The following SH3GL2 variants were observed in gnomAD, a reference collection of about 807,000 sequenced individuals.
SH3GL2 encodes SH3 domain containing GRB2 like 2, endophilin A1, also known as endophilin-A1.
A neutral mutation model predicts 46.0 loss-of-function variants in SH3GL2; 24 were observed. That is an observed-to-expected ratio of 0.52 (90% CI 0.38 to 0.73). The LOEUF (loss-of-function observed/expected upper bound fraction) is 0.73, where lower values mean the gene tolerates loss of function less well. Among genes scored for constraint, SH3GL2 ranks in the 30% least tolerant of loss-of-function variants. The pLI is 0.00. For synonymous variants in SH3GL2, 196 were observed against 147.1 expected (o/e 1.33, Z -2.40); for missense variants, 413 against 424.2 (o/e 0.97, Z 0.23).
At chr9:17,728,925 G>A (rs1822096580) in intron 1 of SH3GL2, among the ~76,000 whole-genome samples, 1 of 152,056 alleles carries the variant, frequency 6.6e-6, no homozygotes, top group South Asian at 2.1e-4. Context: ...GAATACTGTG[G>A]CAATAAATAT....
chr9:17,777,738 A>G (rs1823682697), intron 3 of SH3GL2, among the ~76,000 whole-genome samples: 1 of 152,086 alleles, frequency 6.6e-6, no homozygotes, highest in Non-Finnish European at 1.5e-5. Context: ...AAGGTTACCA[A>G]TCCTACTGGA....
chr9:17,795,822 C>A lies in SH3GL2; in HGVS notation c.*79C>A, dbSNP rs1824260100. 2 of 1,208,288 alleles carry A rather than the reference C, an allele frequency of 1.7e-6. No homozygotes were observed. The highest frequency in any genetic ancestry group is 2.4e-6 in the Non-Finnish European group (2 of 840,054). The allele number at this position is 1,208,288 out of a possible 1,614,324, so 74.8% of individuals were successfully genotyped here. ...ACTGCTTTGGCAATGCTGCTTATAA[C>A]ACATCCCAAGTGCAGGCCGCAGTGG... On this transcript the variant is annotated 3_prime_UTR_variant, in exon 9 of 9. Transcript: ENST00000380607.
intron 1 of SH3GL2, among the ~76,000 whole-genome samples, chr9:17,594,230 G>A (rs796896409): frequency 3.5e-4 from 53 of 152,246 alleles, no homozygotes; most frequent in African/African-American, 1.3e-3. Context: ...AATGTGCTCT[G>A]AGTTGTAGCT....
chr9:17,754,028 G>T (rs965594860), intron 2 of SH3GL2, among the ~76,000 whole-genome samples: 1 of 152,110 alleles, frequency 6.6e-6, no homozygotes, highest in African/African-American at 2.4e-5. Context: ...ATTCTATTCT[G>T]TTGGTTTATG....
intron 1 of SH3GL2, among the ~76,000 whole-genome samples, chr9:17,603,993 A>G (rs1818716428): frequency 2.0e-5 from 3 of 152,220 alleles, no homozygotes; most frequent in Admixed American, 6.5e-5. Context: ...AAAAATAGAA[A>G]AAAGGGTGAG....
intron 1 of SH3GL2, among the ~76,000 whole-genome samples, chr9:17,604,914 C>G (rs1818736678): frequency 6.6e-6 from 1 of 151,822 alleles, no homozygotes; most frequent in Non-Finnish European, 1.5e-5. Context: ...GGTCGAGGAC[C>G]TGCAGGTAGA....
At chr9:17,614,300 A>G (rs1046347820) in intron 1 of SH3GL2, among the ~76,000 whole-genome samples, 82 of 147,718 alleles carry the variant, frequency 5.6e-4, no homozygotes, top group Middle Eastern at 3.5e-3. Context: ...TTTCTGAAAA[A>G]AAAAAAAAAA....
chr9:17,593,174 G>A (rs536313880), intron 1 of SH3GL2, among the ~76,000 whole-genome samples: 10 of 152,294 alleles, frequency 6.6e-5, no homozygotes, highest in African/African-American at 2.2e-4. Flanking sequence ...CTAAACATAA[G>A]TAAGTGTTTC....
chr9:17,649,700 T>G (rs537312013), intron 1 of SH3GL2, among the ~76,000 whole-genome samples: 48 of 152,362 alleles, frequency 3.2e-4, no homozygotes, highest in South Asian at 1.7e-3. Context: ...GTATTAGGTC[T>G]CATTTCAGGT....
intron 1 of SH3GL2, among the ~76,000 whole-genome samples, chr9:17,709,842 G>A (rs1009533174): frequency 2.0e-5 from 3 of 151,816 alleles, no homozygotes; most frequent in Non-Finnish European, 4.4e-5. Flanking sequence ...CAGGCACTGT[G>A]GAAGGGTGCT....
At chr9:17,708,350 A>G (rs1317963512) in intron 1 of SH3GL2, among the ~76,000 whole-genome samples, 1 of 151,830 alleles carries the variant, frequency 6.6e-6, no homozygotes, top group Non-Finnish European at 1.5e-5. Flanking sequence ...TATATATTTC[A>G]TTTTTTGATT....
intron 1 of SH3GL2, among the ~76,000 whole-genome samples, chr9:17,714,819 G>A (rs185283620): frequency 5.9e-5 from 9 of 151,636 alleles, no homozygotes; most frequent in African/African-American, 2.2e-4. Context: ...CATTTTCTAT[G>A]CTTTTAATTT....
At chr9:17,638,555 A>G (rs1007811820) in intron 1 of SH3GL2, among the ~76,000 whole-genome samples, 7 of 152,192 alleles carry the variant, frequency 4.6e-5, no homozygotes, top group Non-Finnish European at 1.0e-4. Flanking sequence ...GTGGTGAGAG[A>G]ATTCCCCTTT....
rs1174099754 is a variant in SH3GL2 at position 17,795,930 on chromosome 9, A to T, written c.*187A>T. ...TCATGGTGATGGATGATATCCTCTT[A>T]GCCTGGTGGGCGTGGCATGTGCTTT... On this transcript the variant is annotated 3_prime_UTR_variant, in exon 9 of 9. Transcript: ENST00000380607. The T allele has an allele frequency of 1.7e-6, 1 of 582,488 alleles. No individual in the cohort carries two copies. The highest frequency in any genetic ancestry group is 1.9e-5 in the African/African-American group (1 of 53,698). 36.1% of individuals were successfully genotyped at this position (582,488 alleles called of 1,614,324 possible).
rs145044434 is a variant in SH3GL2, at chr9:17,705,859, A to G, written c.46-41207A>G. 1.3e-3 allele frequency among the ~76,000 whole-genome samples: 195 copies of G among 152,104 alleles called. 1 individual carries two copies. The highest frequency in any genetic ancestry group is 4.6e-3 in the African/African-American group (190 of 41,532). On this transcript the variant is annotated intron_variant, in intron 1 of 8. Coordinates refer to ENST00000380607, the MANE Select transcript of SH3GL2 (RefSeq NM_003026.5). Reference sequence around the variant, plus strand: ...AAACTACCTGTTACGTACTGTGCCTATCACCTGGGTAACAAAATACACCAA... The same window carrying G: ...AAACTACCTGTTACGTACTGTGCCTGTCACCTGGGTAACAAAATACACCAA...
At chr9:17,774,955 T>A (rs1823599631) in intron 3 of SH3GL2, among the ~76,000 whole-genome samples, 1 of 152,236 alleles carries the variant, frequency 6.6e-6, no homozygotes, top group East Asian at 1.9e-4. Flanking sequence ...GATTCAATCT[T>A]CTTACTAATG....
intron 1 of SH3GL2, among the ~76,000 whole-genome samples, chr9:17,646,424 G>A (rs1588202137): frequency 6.6e-6 from 1 of 152,074 alleles, no homozygotes; most frequent in South Asian, 2.1e-4. Context: ...TTGCTGGCAA[G>A]GAGTTGTGAT....
intron 1 of SH3GL2, 98 bp from the exon 2 acceptor site, chr9:17,746,968 A>G (rs534201270): frequency 1.7e-5 from 13 of 770,392 alleles, no homozygotes; most frequent in South Asian, 5.2e-5. Context: ...TGGTTGTGAG[A>G]TTACATTAGA....
chr9:17,769,748 T>C (rs1208099462), intron 3 of SH3GL2, among the ~76,000 whole-genome samples: 1 of 152,220 alleles, frequency 6.6e-6, no homozygotes, highest in African/African-American at 2.4e-5. Context: ...TCTTTTTGTT[T>C]ATTGTTTTCA....
Sources: gnomAD v4.1 joint callset for allele counts (sites outside exome capture counted in the v4.1 genomes callset) on GRCh38, gnomAD v4.1.1 for gene constraint, MANE v1.5 for transcripts, NCBI Gene and HGNC (gene_info 2026-07-23, HGNC 2026-07-21) for gene names.